PAK1: variants seen among roughly 807,000 people sequenced by gnomAD.
PAK1 encodes serine/threonine-protein kinase PAK 1.
PAK1 carries 29 observed loss-of-function variants against 67.4 expected under a neutral mutation model. The ratio of observed to expected loss-of-function variants is 0.43; its 90% CI spans 0.32 to 0.59. The LOEUF (loss-of-function observed/expected upper bound fraction) is 0.59. PAK1 is among the 20% of genes least tolerant of loss of function. The pLI is 0.07. For synonymous variants in PAK1, 223 were observed against 237.4 expected, an observed-to-expected ratio of 0.94 and a Z score of 0.56; for missense variants, 337 against 670.7, an observed-to-expected ratio of 0.50 and a Z score of 5.50.
At chr11:77,353,350 T>G in intron 8 of PAK1, 186 bp downstream of exon 8, 1 of 515,346 alleles carries the variant, frequency 1.9e-6, no homozygotes, top group Non-Finnish European at 3.5e-6. Flanking sequence ...TAATGGCATC[T>G]CTCTCATATT....
intron 2 of PAK1, among the ~76,000 whole-genome samples, chr11:77,382,151 C>T (rs1247598504): frequency 3.3e-5 from 5 of 151,972 alleles, no homozygotes; most frequent in Non-Finnish European, 7.4e-5. Context: ...AATTGATATA[C>T]TATATAATAC....
At chr11:77,380,156 G>A (rs947977529) in intron 2 of PAK1, among the ~76,000 whole-genome samples, 162 bp from the exon 3 acceptor site, 1 of 152,152 alleles carries the variant, frequency 6.6e-6, no homozygotes, top group Non-Finnish European at 1.5e-5. Context: ...GATTGGAGCA[G>A]ATACTCAATG....
chr11:77,367,541 T>C (rs1017651875), intron 5 of PAK1, among the ~76,000 whole-genome samples: 3 of 152,050 alleles, frequency 2.0e-5, no homozygotes, highest in African/African-American at 7.2e-5. Context: ...AAAAAAGTGA[T>C]TGAAAATTAA....
chr11:77,406,842 C>A lies in PAK1; in HGVS notation c.-21-14301G>T, dbSNP rs182292776. On this transcript the variant is annotated intron_variant, in intron 1 of 14. Coordinates refer to ENST00000356341, the MANE Select transcript of PAK1 (RefSeq NM_002576.5). Reference sequence around the variant, plus strand: ...CAAGATTTACTAGACCCTGTCCCTGCCCTCAAAAATCTCACAGACTAATGG... The same window carrying A: ...CAAGATTTACTAGACCCTGTCCCTGACCTCAAAAATCTCACAGACTAATGG... 8.1e-4 allele frequency among the ~76,000 whole-genome samples: 123 copies of A among 152,160 alleles called. 1 individual carries two copies. The highest frequency in any genetic ancestry group is 2.5e-3 in the South Asian group (12 of 4,814).
chr11:77,329,469 C>A (rs1331802864), intron 14 of PAK1, among the ~76,000 whole-genome samples: 1 of 152,184 alleles, frequency 6.6e-6, no homozygotes, highest in Non-Finnish European at 1.5e-5. Flanking sequence ...GGATGCAAAG[C>A]CAGTTCAACA....
At position 77,326,389 on chromosome 11, in the gene PAK1, T is replaced by C. The variant is rs138045046; in HGVS notation, c.1552-3029A>G. ...GACTCCAAAAGCCACACTCACTAAT[T>C]ATCTTCTAAACTTATGTTCCATGGA... On this transcript the variant is annotated intron_variant, in intron 14 of 14. Coordinates refer to ENST00000356341, the MANE Select transcript of PAK1 (RefSeq NM_002576.5). 9.8e-5 allele frequency among the ~76,000 whole-genome samples: 15 copies of C among 152,308 alleles called. No individual in the cohort carries two copies. In the East Asian group the frequency reaches 2.9e-3, roughly 29 times the overall value.
At chr11:77,525,619 C>A in the PAK1 span, among the ~76,000 whole-genome samples, 1 of 152,212 alleles carries the variant, frequency 6.6e-6, no homozygotes, top group East Asian at 1.9e-4. Context: ...CTTGCCCAAA[C>A]CTTTCAGCAG....
At chr11:77,409,789 A>AG (rs1954227828) in intron 1 of PAK1, among the ~76,000 whole-genome samples, 1 of 152,162 alleles carries the variant, frequency 6.6e-6, no homozygotes, top group African/African-American at 2.4e-5. Flanking sequence ...AGGCCAGGAA[A>AG]GGGAGTGAGG....
At chr11:77,523,136 G>C in the PAK1 span, among the ~76,000 whole-genome samples, 1 of 152,120 alleles carries the variant, frequency 6.6e-6, no homozygotes, top group African/African-American at 2.4e-5. Context: ...TCACTACCTG[G>C]GTGATGGGGT....
In PAK1 at chr11:77,327,382, G is replaced by C. The variant is rs1305137951; in HGVS notation, c.1552-4022C>G. Among the ~76,000 whole-genome samples the C allele has an allele frequency of 1.9e-3, 288 of 152,330 alleles. 1 individual carries two copies. Among genetic ancestry groups the C allele is most frequent in the African/African-American group, 6.7e-3 (278 of 41,564 alleles). ...GGAAAAAATGTTAAGGGCAGCCAGA[G>C]AGAAAGGTCGGGTTACCCACAAAGG... On this transcript the variant is annotated intron_variant, in intron 14 of 14. Transcript: ENST00000356341.
In PAK1 at chr11:77,418,790, G is replaced by C. The variant is rs144367117; in HGVS notation, c.-21-26249C>G. ...TGCTCTTGCCTGTTCCAGGTTTTGA[G>C]GATTAAAGATGACCTAGAAATGGCC... On this transcript the variant is annotated intron_variant, in intron 1 of 14. Coordinates refer to ENST00000356341, the MANE Select transcript of PAK1 (RefSeq NM_002576.5). Among the ~76,000 whole-genome samples the C allele has an allele frequency of 9.2e-5, 14 of 152,168 alleles. No homozygotes were observed. In the East Asian group the frequency reaches 2.7e-3, roughly 29 times the overall value.
chr11:77,467,168 CCT>C (rs1305662634), intron 1 of PAK1, among the ~76,000 whole-genome samples: 1 of 152,148 alleles, frequency 6.6e-6, no homozygotes, highest in African/African-American at 2.4e-5. Flanking sequence ...CTCACCCCTC[CCT>C]GACTGTGCTT....
At position 77,379,923 on chromosome 11, in the gene PAK1, C is replaced by A; in HGVS notation, c.262G>T (p.Gly88Cys). 6.2e-7 allele frequency: 1 copy of A among 1,613,906 alleles called. No individual in the cohort carries two copies. Residue 88 changes from glycine to cysteine, a missense_variant, in exon 3 of 15, where the codon GGT (glycine) becomes TGT (cysteine). Gly to Cys is a radical substitution (Grantham distance 159, BLOSUM62 -3). Coordinates refer to ENST00000356341, the MANE Select transcript of PAK1 (RefSeq NM_002576.5). ...AACTCCCCTGTGACAGCATCAAAACCGACATGAATTGTGTGTTCAAAATCT... is the reference window on the plus strand; with the variant it reads ...AACTCCCCTGTGACAGCATCAAAACAGACATGAATTGTGTGTTCAAAATCT... ...PSDFEHTIHV[G>C]FDAVTGEFTG...
Position 77,474,036 on chromosome 11 carries a change from CG to C in PAK1, c.-507del, listed in dbSNP as rs1230206677. ...GCGTCTACTGTGCAGCCACCACCTT[CG>C]GCTCCGGCTGCAGCCGCGGGAGGGC... is the stretch of plus-strand genomic sequence containing the variant. On this transcript the variant is annotated 5_prime_UTR_variant, in exon 1 of 15. Coordinates refer to ENST00000356341, the MANE Select transcript of PAK1 (RefSeq NM_002576.5). The C allele has an allele frequency of 6.6e-6, 1 of 151,978 alleles. No homozygotes were observed. Among genetic ancestry groups the C allele is most frequent in the African/African-American group, 2.4e-5 (1 of 41,326 alleles). The allele number at this position is 151,978 out of a possible 1,614,324, so 9.4% of individuals were successfully genotyped here.
the PAK1 span, among the ~76,000 whole-genome samples, chr11:77,487,463 G>C: frequency 6.6e-6 from 1 of 151,966 alleles, no homozygotes; most frequent in African/African-American, 2.4e-5. Flanking sequence ...TTAGGTACCA[G>C]CTCAGCCACA....
At chr11:77,498,990 C>T in the PAK1 span, among the ~76,000 whole-genome samples, 6 of 152,074 alleles carry the variant, frequency 3.9e-5, no homozygotes, top group East Asian at 3.9e-4. Context: ...TGAGCCACCA[C>T]GCCCTGCCAA....
At chr11:77,456,748 GT>G (rs970023326) in intron 1 of PAK1, among the ~76,000 whole-genome samples, 58 of 145,192 alleles carry the variant, frequency 4.0e-4, no homozygotes, top group African/African-American at 1.1e-3. Flanking sequence ...TTGGTTTTTT[GT>G]TTTTTTTTTT....
At chr11:77,464,036 A>G (rs1404570022) in intron 1 of PAK1, among the ~76,000 whole-genome samples, 2 of 152,254 alleles carry the variant, frequency 1.3e-5, no homozygotes, top group African/African-American at 4.8e-5. Context: ...CATATAACCA[A>G]TATAAAAAGT....
intron 1 of PAK1, among the ~76,000 whole-genome samples, chr11:77,439,978 CCA>C (rs1235213892): frequency 6.6e-6 from 1 of 152,090 alleles, no homozygotes; most frequent in African/African-American, 2.4e-5. Context: ...TAATCCAGCC[CCA>C]GTCACCCAGA....
Sources: allele counts gnomAD v4.1 joint callset (sites outside exome capture counted in the v4.1 genomes callset), GRCh38; gene constraint gnomAD v4.1.1; transcripts MANE v1.5; gene names NCBI Gene and HGNC (gene_info 2026-07-23, HGNC 2026-07-21).